Variants in DTL observed in about 807,000 individuals in gnomAD.
DTL encodes denticleless protein homolog.
Under a neutral mutation model 87.0 loss-of-function variants are expected in DTL, and 46 were observed. The ratio of observed to expected loss-of-function variants is 0.53; its 90% CI spans 0.42 to 0.68. The LOEUF is 0.68. DTL is among the 30% of genes least tolerant of loss of function. DTL has a pLI of 0.00. For missense variants in DTL, 737 were observed against 869.4 expected, an observed-to-expected ratio of 0.85 and a Z score of 1.91; for synonymous variants, 308 against 311.2, an observed-to-expected ratio of 0.99 and a Z score of 0.11.
rs17718437 is a variant in DTL, at chr1:212,078,060, G to C, written c.1036-113G>C. 2.5e-4 allele frequency: 141 copies of C among 574,018 alleles called. 1 individual carries two copies. The highest frequency in any genetic ancestry group is 3.6e-4 in the Non-Finnish European group (116 of 319,216). The allele number at this position is 574,018 out of a possible 1,614,324, so 35.6% of individuals were successfully genotyped here. A position where few individuals can be genotyped will look rare whatever the true frequency, so the allele number is the denominator to read the frequency against. Reference sequence around the variant, plus strand: ...TCCTAACTATAGCTAGGCAGGTCTAGTGGCCTTTGGTAACAATCCTAAAGC... The same window carrying C: ...TCCTAACTATAGCTAGGCAGGTCTACTGGCCTTTGGTAACAATCCTAAAGC... On this transcript the variant is annotated intron_variant, in intron 11 of 14. Coordinates refer to ENST00000366991, the MANE Select transcript of DTL (RefSeq NM_016448.4).
intron 5 of DTL, among the ~76,000 whole-genome samples, chr1:212,059,334 A>AT (rs1171410119): frequency 2.0e-5 from 3 of 152,152 alleles, no homozygotes; most frequent in Non-Finnish European, 4.4e-5. Context: ...ATCAAGTGGG[A>AT]TTTATCCCAG....
In DTL at chr1:212,078,260, A is replaced by G. The variant is rs1388543479; in HGVS notation, c.1123A>G (p.Lys375Glu). The G allele has an allele frequency of 1.9e-6, 3 of 1,582,328 alleles. No individual in the cohort carries two copies. The highest frequency in any genetic ancestry group is 1.7e-4 in the Middle Eastern group (1 of 6,006). Residue 375 changes from lysine to glutamate, a missense_variant and splice_region_variant, in exon 12 of 15, where the codon AAG becomes GAG. Coordinates refer to ENST00000366991, the MANE Select transcript of DTL (RefSeq NM_016448.4). Reference protein sequence around the residue: ...SVCWCPSDFTKIATCSDDNTL... With the variant: ...SVCWCPSDFTEIATCSDDNTL... ...GTGCTGGTGTCCATCTGACTTCACAAAGGTTTGTAAATGAATCTCTATAGT... is the reference window on the plus strand; with the variant it reads ...GTGCTGGTGTCCATCTGACTTCACAGAGGTTTGTAAATGAATCTCTATAGT...
At position 212,089,341 on chromosome 1, in the gene DTL, A is replaced by G. The variant is rs568177352; in HGVS notation, c.1261+8591A>G. ...CTGTTAAAAATAATGCAATGCATCTATGTGTACTTACATGAAGAGACGTAA... is the reference window on the plus strand; with the variant it reads ...CTGTTAAAAATAATGCAATGCATCTGTGTGTACTTACATGAAGAGACGTAA... On this transcript the variant is annotated intron_variant, in intron 13 of 14. Coordinates refer to ENST00000366991, the MANE Select transcript of DTL (RefSeq NM_016448.4). Among the ~76,000 whole-genome samples, 8 of 152,340 alleles carry G rather than the reference A, an allele frequency of 5.3e-5. No homozygotes were observed. The East Asian group carries it at 1.3e-3, about 26-fold the overall frequency.
At chr1:212,055,327 CCTG>C (rs1668137263) in intron 5 of DTL, among the ~76,000 whole-genome samples, 1 of 152,060 alleles carries the variant, frequency 6.6e-6, no homozygotes, top group African/African-American at 2.4e-5. Context: ...GCTCACGGAC[CCTG>C]AGACTAACAT....
In DTL at chr1:212,100,717, A is replaced by G. The variant is rs759718635; in HGVS notation, c.1727A>G (p.Glu576Gly). The change falls in exon 14 of 15, where the codon GAG (glutamate) becomes GGG (glycine). Residue 576 changes from glutamate (E) to glycine (G), a missense_variant. Glu to Gly is a moderately conservative substitution (Grantham distance 98). Transcript: ENST00000366991. ...KCVKSCNCVT[E>G]LDGQVENLHL... ...GTGAAGAGTTGTAACTGTGTGACTGAGCTTGATGGCCAAGTTGAAAATCTT... is the reference window on the plus strand; with the variant it reads ...GTGAAGAGTTGTAACTGTGTGACTGGGCTTGATGGCCAAGTTGAAAATCTT... 2.5e-6 allele frequency: 4 copies of G among 1,614,136 alleles called. No homozygotes were observed. In the South Asian group the frequency reaches 4.4e-5, roughly 18 times the overall value.
At chr1:212,061,785 A>G (rs1288648196) in intron 5 of DTL, among the ~76,000 whole-genome samples, 3 of 152,232 alleles carry the variant, frequency 2.0e-5, no homozygotes, top group African/African-American at 7.2e-5. Flanking sequence ...GTTCCCATTT[A>G]TATGTGGGTG....
intron 1 of DTL, among the ~76,000 whole-genome samples, chr1:212,037,996 C>T (rs926956617): frequency 6.6e-6 from 1 of 152,202 alleles, no homozygotes; most frequent in African/African-American, 2.4e-5. Context: ...GCTGTGGGTG[C>T]CCGGAGCCTA....
intron 6 of DTL, among the ~76,000 whole-genome samples, chr1:212,063,438 G>T (rs140286313): frequency 6.6e-6 from 1 of 151,500 alleles, no homozygotes; most frequent in Non-Finnish European, 1.5e-5. Flanking sequence ...ACAGCCACCC[G>T]CCACCATGCC....
intron 11 of DTL, among the ~76,000 whole-genome samples, chr1:212,074,708 G>C (rs1002372788): frequency 1.4e-4 from 21 of 152,064 alleles, no homozygotes; most frequent in Non-Finnish European, 2.9e-4. Flanking sequence ...GAGTATCCAG[G>C]CTGTTAGATT....
At chr1:212,073,113 A>G (rs935081080) in intron 11 of DTL, among the ~76,000 whole-genome samples, 4 of 152,156 alleles carry the variant, frequency 2.6e-5, no homozygotes, top group Non-Finnish European at 4.4e-5. Context: ...TAAAGTGTCT[A>G]CTGTAAGCTA....
At chr1:212,072,283 T>C in intron 11 of DTL, 70 bp downstream of exon 11, 1 of 1,223,732 alleles carries the variant, frequency 8.2e-7, no homozygotes, top group East Asian at 2.3e-5. Flanking sequence ...CTGTCCAATA[T>C]GAGATAAGTT....
chr1:212,043,933 A>T (rs913295656), intron 2 of DTL, among the ~76,000 whole-genome samples: 1 of 151,700 alleles, frequency 6.6e-6, no homozygotes, highest in African/African-American at 2.4e-5. Flanking sequence ...TAGACTCCTT[A>T]TAAAAATTAG....
intron 6 of DTL, among the ~76,000 whole-genome samples, chr1:212,063,992 A>C (rs1423618945): frequency 6.6e-6 from 1 of 150,490 alleles, no homozygotes; most frequent in Non-Finnish European, 1.5e-5. Context: ...TCCTGGGTTC[A>C]AGTAATTCTC....
At chr1:212,091,865 A>G (rs913590506) in intron 13 of DTL, among the ~76,000 whole-genome samples, 4 of 152,280 alleles carry the variant, frequency 2.6e-5, no homozygotes, top group Non-Finnish European at 5.9e-5. Context: ...TCTACAATGT[A>G]TGCATGTATC....
intron 5 of DTL, among the ~76,000 whole-genome samples, chr1:212,059,257 A>G (rs1357318106): frequency 6.6e-6 from 1 of 152,146 alleles, no homozygotes; most frequent in Non-Finnish European, 1.5e-5. Context: ...ACATAGATGC[A>G]AAAATCCTCA....
At chr1:212,075,682 AAC>A (rs1654806593) in intron 11 of DTL, among the ~76,000 whole-genome samples, 1 of 152,186 alleles carries the variant, frequency 6.6e-6, no homozygotes, top group Admixed American at 6.5e-5. Context: ...TTTAACCCAT[AAC>A]ACGCCCTTCC....
At chr1:212,047,914 T>C (rs1667853844) in intron 5 of DTL, among the ~76,000 whole-genome samples, 1 of 152,230 alleles carries the variant, frequency 6.6e-6, no homozygotes, top group South Asian at 2.1e-4. Flanking sequence ...GGACATTATC[T>C]CTAGCTTGTC....
intron 6 of DTL, 121 bp from the exon 7 acceptor site, chr1:212,064,796 C>T: frequency 5.5e-6 from 4 of 733,722 alleles, no homozygotes; most frequent in Non-Finnish European, 7.1e-6. Flanking sequence ...GCAGCTGGCT[C>T]TGCTGGCTTC....
At chr1:212,062,404 T>G (rs1388533426) in intron 5 of DTL, among the ~76,000 whole-genome samples, 1 of 137,914 alleles carries the variant, frequency 7.3e-6, no homozygotes, top group Non-Finnish European at 1.6e-5. Context: ...ATTTTTATAC[T>G]GAGCCAATAC....
Sources: allele counts gnomAD v4.1 joint callset (sites outside exome capture counted in the v4.1 genomes callset), GRCh38; gene constraint gnomAD v4.1.1; transcripts MANE v1.5; gene names NCBI Gene and HGNC (gene_info 2026-07-23, HGNC 2026-07-21).